Variants in RTN4IP1 observed in about 807,000 individuals in gnomAD.
The protein encoded by RTN4IP1 is reticulon 4 interacting protein 1.
A neutral mutation model predicts 46.6 loss-of-function variants in RTN4IP1; 32 were observed. The observed-to-expected ratio is 0.69, with a 90% CI of 0.52 to 0.92. The LOEUF (loss-of-function observed/expected upper bound fraction) is 0.92, where lower values mean the gene tolerates loss of function less well. Ranked by LOEUF, RTN4IP1 falls within the 40% of genes least tolerant of loss-of-function variation. The pLI is 0.00. For missense variants in RTN4IP1, 424 were observed against 485.8 expected (o/e 0.87, Z 1.20); for synonymous variants, 167 against 161.8 (o/e 1.03, Z -0.24).
chr6:106,583,567 C>A, intron 7 of RTN4IP1, 147 bp from the exon 8 acceptor site: 1 of 611,976 alleles, frequency 1.6e-6, no homozygotes, highest in Admixed American at 2.7e-5. Flanking sequence ...CACCTTGGCA[C>A]AATGACTGAC....
intron 4 of RTN4IP1, among the ~76,000 whole-genome samples, chr6:106,605,816 C>CAAAAAAA (rs60568175): frequency 6.7e-4 from 3 of 4,492 alleles, no homozygotes; most frequent in Admixed American, 1.4e-3. Context: ...GACTCTGTCC[C>CAAAAAAA]AAAAAAAAAA....
chr6:106,629,525 C>T (rs1052831689), upstream of RTN4IP1: 9 of 976,272 alleles, frequency 9.2e-6, no homozygotes, highest in African/African-American at 1.5e-4. Flanking sequence ...CTACAAAGAT[C>T]ATTTCCTCGG....
Position 106,622,938 on chromosome 6 carries a change from C to T in RTN4IP1, c.306G>A (p.Lys102=), listed in dbSNP as rs1340392412. 1.2e-6 allele frequency: 2 copies of T among 1,614,046 alleles called. No homozygotes were observed. The highest frequency in any genetic ancestry group is 1.7e-6 in the Non-Finnish European group (2 of 1,180,016). Residue 102 remains lysine, a synonymous_variant, in exon 2 of 9, where the codon AAG becomes AAA. Transcript: ENST00000369063. The stretch of plus-strand genomic sequence containing the variant: ...TGATTTTCACGTGTAAAGGATCACG[C>T]TTCATATTTAAAGCTGTAGCTCCAT... ...SGYGATALNM[K]RDPLHVKIKG... is the part of the protein sequence containing the mutation.
chr6:106,613,711 G>GGGA (rs1354252549), intron 4 of RTN4IP1, among the ~76,000 whole-genome samples: 10 of 152,218 alleles, frequency 6.6e-5, no homozygotes, highest in Non-Finnish European at 1.3e-4. Context: ...GAGAGAGGAG[G>GGGA]TTGCAGGCCT....
intron 5 of RTN4IP1, among the ~76,000 whole-genome samples, chr6:106,597,348 TA>T (rs1775821243): frequency 1.3e-5 from 2 of 152,270 alleles, no homozygotes; most frequent in African/African-American, 4.8e-5. Flanking sequence ...ACTCTGTTTT[TA>T]TCTTTTTCTG....
chr6:106,606,436 T>A (rs753777019), intron 4 of RTN4IP1, among the ~76,000 whole-genome samples: 113 of 151,944 alleles, frequency 7.4e-4, no homozygotes, highest in Non-Finnish European at 1.3e-3. Context: ...GAAATTTTTT[T>A]AAATAAACAA....
chr6:106,609,045 TATA>T, intron 4 of RTN4IP1, among the ~76,000 whole-genome samples: 1 of 152,332 alleles, frequency 6.6e-6, no homozygotes, highest in Non-Finnish European at 1.5e-5. Context: ...TCTAGAATGC[TATA>T]ATTACCTGCT....
rs1434568204 is a variant in RTN4IP1 at position 106,623,052 on chromosome 6, A to G, written c.275-83T>C. The G allele has an allele frequency of 2.3e-6, 3 of 1,324,230 alleles. No homozygotes were observed. In the African/African-American group the frequency reaches 4.4e-5, roughly 19 times the overall value. The allele number at this position is 1,324,230 out of a possible 1,614,324, so 82.0% of individuals were successfully genotyped here. ...TACTACAGGGTTATAGTCCAGTACAATTTTAGGTCTTCAAGATGTAGATTA... is the reference window on the plus strand; with the variant it reads ...TACTACAGGGTTATAGTCCAGTACAGTTTTAGGTCTTCAAGATGTAGATTA... On this transcript the variant is annotated intron_variant, in intron 1 of 8. Transcript: ENST00000369063.
At chr6:106,581,538 C>A (rs1321430888) in intron 8 of RTN4IP1, among the ~76,000 whole-genome samples, 1 of 152,224 alleles carries the variant, frequency 6.6e-6, no homozygotes, top group Non-Finnish European at 1.5e-5. Context: ...GTGCCACATA[C>A]CAACTTCACA....
chr6:106,628,603 A>T (rs965578666), intron 1 of RTN4IP1, 145 bp downstream of exon 1: 2 of 735,206 alleles, frequency 2.7e-6, no homozygotes, highest in African/African-American at 3.6e-5. Flanking sequence ...AATTTCAAAA[A>T]TTTTGGAAAT....
upstream of RTN4IP1, chr6:106,629,614 A>G (rs985092097): frequency 6.4e-7 from 1 of 1,552,732 alleles, no homozygotes; most frequent in Non-Finnish European, 8.7e-7. Context: ...ATGTAACATC[A>G]CTAGCGACCG....
At chr6:106,586,697 T>A (rs747472430) in intron 7 of RTN4IP1, among the ~76,000 whole-genome samples, 5 of 152,180 alleles carry the variant, frequency 3.3e-5, no homozygotes, top group Non-Finnish European at 5.9e-5. Flanking sequence ...CTATCATGTA[T>A]TCCATTTTAA....
At position 106,629,398 on chromosome 6, in the gene RTN4IP1, G is replaced by T. The variant is rs1234803378; in HGVS notation, c.-377C>A. The stretch of plus-strand genomic sequence containing the variant: ...GGCGGGACAAGCAGACACCGCTCGC[G>T]ATCCAACGCCAGAGAATCGAACGCT... On this transcript the variant is annotated 5_prime_UTR_variant, in exon 1 of 9. Transcript: ENST00000369063. The T allele has an allele frequency of 1.8e-6, 1 of 566,560 alleles. No homozygotes were observed. The highest frequency in any genetic ancestry group is 3.0e-5 in the East Asian group (1 of 33,282). 35.1% of individuals were successfully genotyped at this position (566,560 alleles called of 1,614,324 possible). A position where few individuals can be genotyped will look rare whatever the true frequency, so the allele number is the denominator to read the frequency against.
At chr6:106,607,061 C>A (rs1203923772) in intron 4 of RTN4IP1, among the ~76,000 whole-genome samples, 1 of 152,004 alleles carries the variant, frequency 6.6e-6, no homozygotes, top group East Asian at 1.9e-4. Flanking sequence ...ATACATAGAC[C>A]AATGGAACAG....
chr6:106,581,468 C>T (rs1016384039), intron 8 of RTN4IP1, among the ~76,000 whole-genome samples: 8 of 152,086 alleles, frequency 5.3e-5, no homozygotes, highest in African/African-American at 1.9e-4. Flanking sequence ...AGGCAATGAC[C>T]TCTCACATCC....
upstream of RTN4IP1, among the ~76,000 whole-genome samples, chr6:106,630,275 C>G (rs900155929): frequency 6.6e-6 from 1 of 152,134 alleles, no homozygotes. Context: ...CACATAAGCA[C>G]CCTCAAATTC....
At chr6:106,626,682 T>C (rs1776655539) in intron 1 of RTN4IP1, among the ~76,000 whole-genome samples, 1 of 152,330 alleles carries the variant, frequency 6.6e-6, no homozygotes, top group South Asian at 2.1e-4. Flanking sequence ...TGTAGTCAGC[T>C]GGCAGTTAGT....
At chr6:106,586,882 G>A (rs907739439) in intron 7 of RTN4IP1, among the ~76,000 whole-genome samples, 1 of 152,078 alleles carries the variant, frequency 6.6e-6, no homozygotes, top group Non-Finnish European at 1.5e-5. Context: ...AGTCTCCAAG[G>A]CCCGCCACTC....
Position 106,572,836 on chromosome 6 carries a change from C to A in RTN4IP1, c.1084-733G>T, listed in dbSNP as rs73524931. ...GTTTGGCATATCTACCCAACCAGAG[C>A]ATAAAGTACTTGTGGGATAGGGGAC... On this transcript the variant is annotated intron_variant, in intron 8 of 8. Transcript: ENST00000369063. Among the ~76,000 whole-genome samples the A allele has an allele frequency of 3.8e-3, 581 of 152,188 alleles. 5 individuals are homozygous for A. The highest frequency in any genetic ancestry group is 0.014 in the African/African-American group (564 of 41,504).
Sources: allele counts gnomAD v4.1 joint callset (sites outside exome capture counted in the v4.1 genomes callset), GRCh38; gene constraint gnomAD v4.1.1; transcripts MANE v1.5; gene names NCBI Gene and HGNC (gene_info 2026-07-23, HGNC 2026-07-21).